PRKG1: variants seen among roughly 807,000 people sequenced by gnomAD.
PRKG1 encodes the protein protein kinase cGMP-dependent 1, also known as cGMP-dependent protein kinase 1.
A neutral mutation model predicts 88.1 loss-of-function variants in PRKG1; 35 were observed. The ratio of observed to expected loss-of-function variants is 0.40; its 90% CI spans 0.30 to 0.53. The LOEUF is 0.53. PRKG1 is among the 20% of genes least tolerant of loss of function. The pLI, the probability that PRKG1 is intolerant of heterozygous loss-of-function variation, is 0.59. For synonymous variants in PRKG1, 303 were observed against 292.5 expected (o/e 1.04, Z -0.37); for missense variants, 540 against 839.8 (o/e 0.64, Z 4.41).
At chr10:51,489,766 G>T (rs1400442545) in intron 3 of PRKG1, among the ~76,000 whole-genome samples, 1 of 152,032 alleles carries the variant, frequency 6.6e-6, no homozygotes, top group African/African-American at 2.4e-5. Flanking sequence ...GAACAAAATT[G>T]GATGATGCTT....
At chr10:51,002,091 G>C (rs904565120) in intron 1 of PRKG1, among the ~76,000 whole-genome samples, 1 of 151,932 alleles carries the variant, frequency 6.6e-6, no homozygotes, top group African/African-American at 2.4e-5. Context: ...TTGACTCTGG[G>C]AAATTCCTAA....
At chr10:52,106,744 T>TAATAATAATAAA (rs1268365466) in intron 7 of PRKG1, among the ~76,000 whole-genome samples, 4 of 133,440 alleles carry the variant, frequency 3.0e-5, no homozygotes, top group African/African-American at 1.1e-4. Flanking sequence ...ATAATAATAA[T>TAATAATAATAAA]AATAAAGTAA....
At chr10:51,548,029 A>C (rs945585807) in intron 3 of PRKG1, among the ~76,000 whole-genome samples, 1 of 152,112 alleles carries the variant, frequency 6.6e-6, no homozygotes, top group Non-Finnish European at 1.5e-5. Flanking sequence ...CCGTACAAAT[A>C]GGCTGTTTTG....
At chr10:51,837,319 C>T (rs1210123556) in intron 4 of PRKG1, among the ~76,000 whole-genome samples, 1 of 152,046 alleles carries the variant, frequency 6.6e-6, no homozygotes, top group Middle Eastern at 3.2e-3. Context: ...GAATATGGCA[C>T]TTAAAAAAAT....
chr10:51,515,501 A>C (rs1425921346), intron 3 of PRKG1, among the ~76,000 whole-genome samples: 1 of 152,232 alleles, frequency 6.6e-6, no homozygotes, highest in Non-Finnish European at 1.5e-5. Context: ...CAACCTGAAA[A>C]TTTTTTGCTC....
intron 3 of PRKG1, among the ~76,000 whole-genome samples, chr10:51,801,069 A>G (rs1318083375): frequency 5.3e-5 from 8 of 152,062 alleles, no homozygotes; most frequent in African/African-American, 1.9e-4. Flanking sequence ...TTTTTTGTGT[A>G]TTCACAGCCC....
chr10:51,777,067 A>G (rs1448548575), intron 3 of PRKG1, among the ~76,000 whole-genome samples: 3 of 152,134 alleles, frequency 2.0e-5, no homozygotes, highest in Non-Finnish European at 4.4e-5. Context: ...AATAGCAAAC[A>G]GAACATTATA....
At chr10:51,870,876 A>T (rs1410343149) in intron 4 of PRKG1, among the ~76,000 whole-genome samples, 1 of 152,184 alleles carries the variant, frequency 6.6e-6, no homozygotes, top group East Asian at 1.9e-4. Context: ...CTGGATTTGT[A>T]ACAGTTGCTC....
intron 2 of PRKG1, among the ~76,000 whole-genome samples, chr10:51,174,757 T>A (rs1837145486): frequency 6.6e-6 from 1 of 152,028 alleles, no homozygotes; most frequent in Non-Finnish European, 1.5e-5. Flanking sequence ...TATGATCCAT[T>A]AACTGTATTT....
chr10:51,582,464 A>G (rs1416782003), intron 3 of PRKG1, among the ~76,000 whole-genome samples: 1 of 151,946 alleles, frequency 6.6e-6, no homozygotes, highest in African/African-American at 2.4e-5. Context: ...ATTTTTCTTG[A>G]TGTTCTTCCC....
At chr10:51,812,162 C>T (rs1454981041) in intron 4 of PRKG1, among the ~76,000 whole-genome samples, 1 of 152,084 alleles carries the variant, frequency 6.6e-6, no homozygotes, top group Non-Finnish European at 1.5e-5. Flanking sequence ...CACATTTTTG[C>T]CAATGAGAAA....
rs1214219128 is a variant in PRKG1, at chr10:51,508,164, C to T, written c.592+40328C>T. ...AGAACAAAGATTAAATGAGACGGTACATGTAAAGCATTTAAACAGGACCTG... is the reference window on the plus strand; with the variant it reads ...AGAACAAAGATTAAATGAGACGGTATATGTAAAGCATTTAAACAGGACCTG... On this transcript the variant is annotated intron_variant, in intron 3 of 17. Transcript: ENST00000373980. Among the ~76,000 whole-genome samples, 4 of 152,066 alleles carry T rather than the reference C, an allele frequency of 2.6e-5. No homozygotes were observed. In the East Asian group the frequency reaches 7.7e-4, roughly 29 times the overall value.
intron 2 of PRKG1, among the ~76,000 whole-genome samples, chr10:51,224,680 C>T (rs943230363): frequency 3.3e-5 from 5 of 152,156 alleles, no homozygotes; most frequent in African/African-American, 1.2e-4. Flanking sequence ...TCCTACAGAG[C>T]GTCCTATATT....
At chr10:52,110,265 G>A (rs947420033) in intron 7 of PRKG1, among the ~76,000 whole-genome samples, 3 of 150,166 alleles carry the variant, frequency 2.0e-5, no homozygotes, top group African/African-American at 5.0e-5. Context: ...GGAGAATGGC[G>A]TGCTTGCAGT....
intron 3 of PRKG1, among the ~76,000 whole-genome samples, chr10:51,745,598 T>G (rs1033746837): frequency 6.6e-6 from 1 of 152,214 alleles, no homozygotes; most frequent in Admixed American, 6.5e-5. Context: ...TAGGTAAATG[T>G]TACCATACTC....
intron 3 of PRKG1, among the ~76,000 whole-genome samples, chr10:51,799,209 T>C (rs1259697874): frequency 6.6e-6 from 1 of 151,994 alleles, no homozygotes; most frequent in Admixed American, 6.6e-5. Context: ...ACTAGCAAAA[T>C]CTTTCTGAAG....
At chr10:51,725,653 G>C (rs1842114134) in intron 3 of PRKG1, among the ~76,000 whole-genome samples, 1 of 151,400 alleles carries the variant, frequency 6.6e-6, no homozygotes, top group South Asian at 2.1e-4. Flanking sequence ...GGGGGTCGGG[G>C]ACAGGGTTTC....
At chr10:52,090,136 T>C (rs543917536) in intron 7 of PRKG1, among the ~76,000 whole-genome samples, 23 of 152,166 alleles carry the variant, frequency 1.5e-4, no homozygotes, top group African/African-American at 5.3e-4. Flanking sequence ...CTAAATACCA[T>C]TACTCCATAA....
chr10:51,364,039 T>C (rs1007867902), intron 2 of PRKG1, among the ~76,000 whole-genome samples: 1 of 151,978 alleles, frequency 6.6e-6, no homozygotes, highest in Middle Eastern at 3.2e-3. Context: ...GACCTCTCTT[T>C]TCCTGGGCTG....
Sources: gnomAD v4.1 joint callset for allele counts (sites outside exome capture counted in the v4.1 genomes callset) on GRCh38, gnomAD v4.1.1 for gene constraint, MANE v1.5 for transcripts, NCBI Gene and HGNC (gene_info 2026-07-23, HGNC 2026-07-21) for gene names.